SGMS1: variants seen among roughly 807,000 people sequenced by gnomAD.
SGMS1 encodes phosphatidylcholine:ceramide cholinephosphotransferase 1.
In SGMS1, 13 loss-of-function variants were observed where a neutral mutation model predicts 46.2. The observed-to-expected ratio is 0.28, with a 90% CI of 0.18 to 0.45. The LOEUF (loss-of-function observed/expected upper bound fraction) is 0.45. SGMS1 is among the 20% of genes least tolerant of loss of function. The pLI is 1.00. For missense variants in SGMS1, 324 were observed against 519.9 expected (o/e 0.62, Z 3.66); for synonymous variants, 203 against 187.8 (o/e 1.08, Z -0.66).
At chr10:50,424,078 G>C (rs1211938394) in intron 6 of SGMS1, among the ~76,000 whole-genome samples, 1 of 152,210 alleles carries the variant, frequency 6.6e-6, no homozygotes, top group Non-Finnish European at 1.5e-5. Flanking sequence ...ACAAGTCAGA[G>C]CCAGCTGTAC....
chr10:50,524,083 C>T (rs914665670), intron 2 of SGMS1, among the ~76,000 whole-genome samples: 22 of 152,342 alleles, frequency 1.4e-4, no homozygotes, highest in Middle Eastern at 3.4e-3. Flanking sequence ...GGTTCTACTT[C>T]AGGTCCCCTA....
At chr10:50,317,751 T>A (rs182928200) in intron 8 of SGMS1, among the ~76,000 whole-genome samples, 148 of 152,306 alleles carry the variant, frequency 9.7e-4, no homozygotes, top group African/African-American at 3.3e-3. Flanking sequence ...TTTCGTAAGC[T>A]TAGTTTTTAT....
intron 1 of SGMS1, among the ~76,000 whole-genome samples, chr10:50,612,661 T>C (rs1838760910): frequency 1.3e-5 from 2 of 152,210 alleles, no homozygotes; most frequent in South Asian, 2.1e-4. Flanking sequence ...CTTCTCCAGG[T>C]TTTACATTCC....
At position 50,619,783 on chromosome 10, in the gene SGMS1, G is replaced by A. The variant is rs56704571; in HGVS notation, c.-684+3924C>T. Among the ~76,000 whole-genome samples the A allele has an allele frequency of 4.4e-3, 675 of 152,336 alleles. 1 individual carries two copies. The highest frequency in any genetic ancestry group is 0.016 in the African/African-American group (652 of 41,564). On this transcript the variant is annotated intron_variant, in intron 1 of 10. Coordinates refer to ENST00000361781, the MANE Select transcript of SGMS1 (RefSeq NM_147156.4). ...AGTAGATCAGCTTGTCACTGAGAGT[G>A]GAGGGGAATCTTTCTCAATACAAGC...
chr10:50,552,412 C>T (rs565316665), intron 2 of SGMS1, among the ~76,000 whole-genome samples: 1 of 152,194 alleles, frequency 6.6e-6, no homozygotes, highest in African/African-American at 2.4e-5. Context: ...TTGTAATCAA[C>T]TAAGTCTGAG....
At chr10:50,352,037 G>C (rs555217547) in intron 6 of SGMS1, among the ~76,000 whole-genome samples, 1 of 152,280 alleles carries the variant, frequency 6.6e-6, no homozygotes, top group South Asian at 2.1e-4. Flanking sequence ...CGAGTAAAGA[G>C]AGCCTTCGAA....
At chr10:50,310,245 A>G (rs1847233349) in intron 9 of SGMS1, among the ~76,000 whole-genome samples, 1 of 152,128 alleles carries the variant, frequency 6.6e-6, no homozygotes, top group African/African-American at 2.4e-5. Flanking sequence ...AAGGCAAAGC[A>G]TCTCCCTCCT....
At chr10:50,613,706 G>T (rs142009145) in intron 1 of SGMS1, among the ~76,000 whole-genome samples, 1 of 152,134 alleles carries the variant, frequency 6.6e-6, no homozygotes, top group African/African-American at 2.4e-5. Context: ...GTTCACCTCC[G>T]AGTTCTTTCT....
intron 1 of SGMS1, among the ~76,000 whole-genome samples, chr10:50,605,651 G>A (rs1328214327): frequency 1.3e-5 from 2 of 152,172 alleles, no homozygotes; most frequent in African/African-American, 2.4e-5. Flanking sequence ...CAAAGTGGTG[G>A]GTGTGTTTAT....
intron 6 of SGMS1, among the ~76,000 whole-genome samples, chr10:50,355,048 T>C (rs1848115629): frequency 6.6e-6 from 1 of 152,312 alleles, no homozygotes; most frequent in African/African-American, 2.4e-5. Flanking sequence ...TCCTCAGGGA[T>C]CTAGAACTAG....
chr10:50,408,959 T>C (rs1050160225), intron 6 of SGMS1, among the ~76,000 whole-genome samples: 16 of 152,170 alleles, frequency 1.1e-4, no homozygotes, highest in Non-Finnish European at 1.9e-4. Context: ...CATGGACATA[T>C]AACTTACTCA....
chr10:50,480,564 G>C (rs1252471680), intron 3 of SGMS1, among the ~76,000 whole-genome samples: 2 of 152,052 alleles, frequency 1.3e-5, no homozygotes, highest in Non-Finnish European at 2.9e-5. Flanking sequence ...CCCAGCCAGG[G>C]GAGGCATTAA....
intron 2 of SGMS1, among the ~76,000 whole-genome samples, chr10:50,567,972 C>G (rs1231643117): frequency 4.6e-5 from 7 of 152,172 alleles, no homozygotes; most frequent in African/African-American, 1.7e-4. Flanking sequence ...TTTTGCCTCT[C>G]CATTTTATTC....
chr10:50,379,080 A>C (rs1205674041), intron 6 of SGMS1, among the ~76,000 whole-genome samples: 2 of 152,338 alleles, frequency 1.3e-5, no homozygotes, highest in Non-Finnish European at 2.9e-5. Flanking sequence ...AAGAGCAAAA[A>C]TTAGTTAAGA....
intron 2 of SGMS1, among the ~76,000 whole-genome samples, chr10:50,538,982 G>A (rs1245887913): frequency 6.6e-6 from 1 of 152,178 alleles, no homozygotes; most frequent in African/African-American, 2.4e-5. Context: ...CACCGAACTC[G>A]GTGAGCAGCA....
At chr10:50,373,160 C>T (rs1454203872) in intron 6 of SGMS1, among the ~76,000 whole-genome samples, 1 of 152,062 alleles carries the variant, frequency 6.6e-6, no homozygotes, top group Non-Finnish European at 1.5e-5. Context: ...ATAGATGTTT[C>T]CCAAAAGCTT....
chr10:50,480,444 A>G (rs1392371623), intron 3 of SGMS1, among the ~76,000 whole-genome samples: 1 of 152,000 alleles, frequency 6.6e-6, no homozygotes, highest in Admixed American at 6.6e-5. Flanking sequence ...AGGTATCCAG[A>G]TTCTCTCACT....
intron 8 of SGMS1, among the ~76,000 whole-genome samples, chr10:50,312,390 A>G (rs1431538247): frequency 6.6e-6 from 1 of 152,008 alleles, no homozygotes; most frequent in Non-Finnish European, 1.5e-5. Flanking sequence ...CAGAGGATAT[A>G]AATTTCCAAA....
intron 7 of SGMS1, among the ~76,000 whole-genome samples, chr10:50,337,148 A>G (rs1399611220): frequency 1.3e-5 from 2 of 152,188 alleles, no homozygotes; most frequent in South Asian, 2.1e-4. Flanking sequence ...TGTCCTCATG[A>G]GTTTCATACA....
Sources: allele counts gnomAD v4.1 joint callset (sites outside exome capture counted in the v4.1 genomes callset), GRCh38; gene constraint gnomAD v4.1.1; transcripts MANE v1.5; gene names NCBI Gene and HGNC (gene_info 2026-07-23, HGNC 2026-07-21).